GOSR2: variants seen among roughly 807,000 people sequenced by gnomAD.
GOSR2 encodes the protein 27 kDa Golgi SNARE protein.
In GOSR2, 20 loss-of-function variants were observed where a neutral mutation model predicts 27.9. That is an observed-to-expected ratio of 0.72 (90% CI 0.50 to 1.04). GOSR2 has a LOEUF of 1.04. Among genes scored for constraint, GOSR2 ranks in the 50% least tolerant of loss-of-function variants. The pLI is 0.00. For synonymous variants in GOSR2, 91 were observed against 98.8 expected, an observed-to-expected ratio of 0.92 and a Z score of 0.47; for missense variants, 261 against 270.5, an observed-to-expected ratio of 0.97 and a Z score of 0.25.
At chr17:46,963,532 A>T (rs1056491652) in intron 6 of GOSR2, among the ~76,000 whole-genome samples, 1 of 112,442 alleles carries the variant, frequency 8.9e-6, no homozygotes, top group Non-Finnish European at 1.9e-5. Flanking sequence ...CGACAGAGTG[A>T]GGCTCGGTCT....
intron 4 of GOSR2, chr17:46,933,509 C>G (rs188356531): frequency 6.6e-6 from 1 of 152,290 alleles, no homozygotes; most frequent in East Asian, 1.9e-4. Flanking sequence ...GAGTAAAGCA[C>G]ATGATGAAAT....
Position 46,940,751 on chromosome 17 carries a change from C to T in GOSR2, c.*1991C>T. The T allele has an allele frequency of 6.4e-7, 1 of 1,563,570 alleles. No individual in the cohort carries two copies. The highest frequency in any genetic ancestry group is 8.6e-7 in the Non-Finnish European group (1 of 1,158,538). Reference sequence around the variant, plus strand: ...GCTTTGATGAACCCTCATGCTGCACCTTCAGAGCCAGTCCTCTAGTTTGGA... The same window carrying T: ...GCTTTGATGAACCCTCATGCTGCACTTTCAGAGCCAGTCCTCTAGTTTGGA... On this transcript the variant is annotated 3_prime_UTR_variant, in exon 6 of 6. Transcript: ENST00000640051.
At chr17:46,932,405 G>A (rs2087541088) in intron 4 of GOSR2, 3 of 624,740 alleles carry the variant, frequency 4.8e-6, no homozygotes, top group Non-Finnish European at 2.8e-6. Context: ...AACCTGAAGA[G>A]GAAGCAGTTA....
intron 1 of GOSR2, among the ~76,000 whole-genome samples, chr17:46,927,151 G>T (rs1222342628): frequency 6.6e-6 from 1 of 152,070 alleles, no homozygotes; most frequent in Non-Finnish European, 1.5e-5. Context: ...CTAGTTGAGT[G>T]TCATTTTGTA....
intron 6 of GOSR2, among the ~76,000 whole-genome samples, chr17:46,960,611 C>T (rs575976895): frequency 7.2e-5 from 11 of 152,322 alleles, no homozygotes; most frequent in African/African-American, 2.2e-4. Flanking sequence ...TATCCTTCAA[C>T]TGAAGACAGA....
At chr17:46,966,647 C>G in exon 7 of GOSR2, 1 of 600,568 alleles carries the variant, frequency 1.7e-6, no homozygotes, top group Non-Finnish European at 3.0e-6. Flanking sequence ...CCACCCTGAC[C>G]TCCAAATACC....
downstream of GOSR2, among the ~76,000 whole-genome samples, chr17:46,942,385 C>T (rs775858905): frequency 3.3e-5 from 5 of 152,204 alleles, no homozygotes; most frequent in Non-Finnish European, 7.3e-5. Context: ...CATTTATCCT[C>T]ATTATGCAGA....
At chr17:46,932,611 C>G in intron 4 of GOSR2, 1 of 372,754 alleles carries the variant, frequency 2.7e-6, no homozygotes, top group Non-Finnish European at 4.8e-6. Context: ...GTGTGTGGCT[C>G]CAGTGTCAGG....
downstream of GOSR2, among the ~76,000 whole-genome samples, chr17:46,944,296 G>A (rs531776163): frequency 5.3e-5 from 8 of 152,252 alleles, no homozygotes; most frequent in South Asian, 2.1e-4. Flanking sequence ...TGGTAAGAGC[G>A]CTGAGCCCAG....
chr17:46,923,547 C>T (rs1259075920), intron 1 of GOSR2: 2 of 1,322,526 alleles, frequency 1.5e-6, no homozygotes, highest in African/African-American at 1.5e-5. Context: ...ACTCGGTGCT[C>T]CTGGTTGGTA....
chr17:46,939,845 G>T lies in GOSR2; in HGVS notation c.*1085G>T. On this transcript the variant is annotated 3_prime_UTR_variant, in exon 6 of 6. Transcript: ENST00000640051. ...GTATATTGTGGAATTTAGTATAAAG[G>T]CCAATCTGTCCTGAAGTCCATCTAA... 1.0e-6 allele frequency: 1 copy of T among 990,004 alleles called. No individual in the cohort carries two copies. The highest frequency in any genetic ancestry group is 1.2e-6 in the Non-Finnish European group (1 of 832,154). The allele number at this position is 990,004 out of a possible 1,614,324, so 61.3% of individuals were successfully genotyped here.
At chr17:46,938,449 G>A in intron 5 of GOSR2, 150 bp from the exon 6 acceptor site, 1 of 1,177,014 alleles carries the variant, frequency 8.5e-7, no homozygotes, top group Non-Finnish European at 1.2e-6. Context: ...ACATGAGAGT[G>A]GCTCTATTTC....
chr17:46,935,387 T>C, intron 5 of GOSR2: 1 of 1,439,120 alleles, frequency 6.9e-7, no homozygotes, highest in South Asian at 1.5e-5. Flanking sequence ...AACCATGAAG[T>C]GGCCTCTCTT....
downstream of GOSR2, among the ~76,000 whole-genome samples, chr17:46,970,438 G>C (rs532071091): frequency 1.0e-4 from 15 of 149,052 alleles, no homozygotes; most frequent in Non-Finnish European, 1.9e-4. Context: ...CTACTTGTGA[G>C]CTGAAGTAGG....
rs779509783 is a variant in GOSR2, at chr17:46,938,769, C to T, written c.*9C>T. 7.4e-6 allele frequency: 12 copies of T among 1,613,806 alleles called. No homozygotes were observed. In the South Asian group the frequency reaches 7.7e-5, roughly 10 times the overall value. On this transcript the variant is annotated 3_prime_UTR_variant, in exon 6 of 6. Coordinates refer to ENST00000640051, the MANE Select transcript of GOSR2 (RefSeq NM_004287.5). ...TGCAGTACCTGACATGAGCCAGCCA[C>T]GCTCAGTGGCTGAACAGCATTCCCA... is the stretch of plus-strand genomic sequence containing the variant.
At chr17:46,929,279 T>C (rs1223135996) in intron 1 of GOSR2, among the ~76,000 whole-genome samples, 1 of 152,228 alleles carries the variant, frequency 6.6e-6, no homozygotes, top group Non-Finnish European at 1.5e-5. Flanking sequence ...GTTATTGATT[T>C]GGCAGAGTAT....
chr17:46,930,877 C>T (rs2087261955), intron 2 of GOSR2: 2 of 486,448 alleles, frequency 4.1e-6, no homozygotes, highest in Non-Finnish European at 7.3e-6. Flanking sequence ...AAAAAATTGG[C>T]ATTGTTATGT....
chr17:46,970,535 C>CAAAAAA (rs58781204), downstream of GOSR2, among the ~76,000 whole-genome samples: 3 of 51,202 alleles, frequency 5.9e-5, no homozygotes, highest in African/African-American at 1.4e-4. Context: ...GACTCCATCT[C>CAAAAAA]AAAAAAAAAA....
At chr17:46,961,207 A>G (rs2091029244) in intron 6 of GOSR2, among the ~76,000 whole-genome samples, 1 of 152,238 alleles carries the variant, frequency 6.6e-6, no homozygotes, top group Non-Finnish European at 1.5e-5. Context: ...AACCACTAAA[A>G]AAACAGAAAT....
Sources: gnomAD v4.1 joint callset for allele counts (sites outside exome capture counted in the v4.1 genomes callset) on GRCh38, gnomAD v4.1.1 for gene constraint, MANE v1.5 for transcripts, NCBI Gene and HGNC (gene_info 2026-07-23, HGNC 2026-07-21) for gene names.